PHF20: variants seen among roughly 807,000 people sequenced by gnomAD.
The protein encoded by PHF20 is glioma-expressed antigen 2.
A neutral mutation model predicts 113.5 loss-of-function variants in PHF20; 23 were observed. That is an observed-to-expected ratio of 0.20 (90% CI 0.15 to 0.29). The LOEUF is 0.29. Ranked by LOEUF, PHF20 falls within the 10% of genes least tolerant of loss-of-function variation. The pLI, the probability that PHF20 is intolerant of heterozygous loss-of-function variation, is 1.00. For synonymous variants in PHF20, 434 were observed against 457.3 expected (o/e 0.95, Z 0.65); for missense variants, 943 against 1,219.6 (o/e 0.77, Z 3.38).
chr20:35,894,607 A>G (rs1452543151), intron 9 of PHF20, among the ~76,000 whole-genome samples: 1 of 152,240 alleles, frequency 6.6e-6, no homozygotes, highest in East Asian at 1.9e-4. Flanking sequence ...GAATAGTCAT[A>G]GTAGATAATA....
chr20:35,817,383 C>T (rs2042094836), intron 2 of PHF20, among the ~76,000 whole-genome samples: 1 of 151,806 alleles, frequency 6.6e-6, no homozygotes, highest in Admixed American at 6.6e-5. Context: ...GATGGGGTTT[C>T]ACTAGGTTGG....
At chr20:35,815,961 ATTTG>A (rs2042066116) in intron 2 of PHF20, among the ~76,000 whole-genome samples, 1 of 151,998 alleles carries the variant, frequency 6.6e-6, no homozygotes, top group Non-Finnish European at 1.5e-5. Context: ...GCATTTATAT[ATTTG>A]TTTATTTTTG....
chr20:35,808,376 G>A (rs1334233146), intron 2 of PHF20, among the ~76,000 whole-genome samples: 3 of 151,958 alleles, frequency 2.0e-5, no homozygotes, highest in Non-Finnish European at 1.5e-5. Context: ...GAACGCATCC[G>A]AGAGTTCACC....
At chr20:35,911,522 A>G (rs1034261651) in intron 10 of PHF20, among the ~76,000 whole-genome samples, 1 of 152,228 alleles carries the variant, frequency 6.6e-6, no homozygotes, top group African/African-American at 2.4e-5. Context: ...CTCTTGAATG[A>G]ATATGTTGTA....
At chr20:35,836,844 CAA>C (rs36116121) in intron 2 of PHF20, among the ~76,000 whole-genome samples, 14 of 70,760 alleles carry the variant, frequency 2.0e-4, no homozygotes, top group African/African-American at 3.2e-4. Flanking sequence ...GACTCCGTCT[CAA>C]AAAAAAAAAA....
chr20:35,884,727 A>C (rs964109906), intron 9 of PHF20, among the ~76,000 whole-genome samples: 67 of 152,244 alleles, frequency 4.4e-4, no homozygotes, highest in African/African-American at 1.5e-3. Flanking sequence ...AAGTTGCAAA[A>C]ATAGCAAAAA....
chr20:35,786,845 C>T (rs528073500), intron 1 of PHF20, among the ~76,000 whole-genome samples: 1 of 152,242 alleles, frequency 6.6e-6, no homozygotes, highest in African/African-American at 2.4e-5. Flanking sequence ...TGCTTCATTC[C>T]GCATGCTTTG....
At position 35,805,767 on chromosome 20, in the gene PHF20, AC is replaced by A. The variant is rs1351856135; in HGVS notation, c.83+4164del. ...AATGCTGGGGTTACAGGCATAAGTC[AC>A]CATACCTGATCTATATAAATTTAAC... On this transcript the variant is annotated intron_variant, in intron 2 of 17. Coordinates refer to ENST00000374012, the MANE Select transcript of PHF20 (RefSeq NM_016436.5). 4.6e-5 allele frequency among the ~76,000 whole-genome samples: 7 copies of A among 152,212 alleles called. No homozygotes were observed. In the East Asian group the frequency reaches 9.6e-4, roughly 21 times the overall value.
chr20:35,939,284 C>T (rs1263311521), intron 16 of PHF20, among the ~76,000 whole-genome samples, 176 bp downstream of exon 16: 1 of 152,116 alleles, frequency 6.6e-6, no homozygotes, highest in East Asian at 1.9e-4. Context: ...CCCACTTAAG[C>T]CAAAGATCCT....
rs115007505 is a variant in PHF20, at chr20:35,921,810, C to T, written c.2004+4148C>T. Among the ~76,000 whole-genome samples, 603 of 151,990 alleles carry T rather than the reference C, an allele frequency of 4.0e-3. 1 individual carries two copies. Among genetic ancestry groups the T allele is most frequent in the African/African-American group, 0.014 (566 of 41,460 alleles). On this transcript the variant is annotated intron_variant, in intron 13 of 17. Coordinates refer to ENST00000374012, the MANE Select transcript of PHF20 (RefSeq NM_016436.5). ...TGAAGATCTTTAGTTTCTACTCTGT[C>T]ATCCTTGAGCATATGCTCAGTTCCA... is the stretch of plus-strand genomic sequence containing the variant.
At chr20:35,794,300 CAAAA>C (rs369191805) in intron 1 of PHF20, among the ~76,000 whole-genome samples, 2 of 96,106 alleles carry the variant, frequency 2.1e-5, no homozygotes. Context: ...AACTCTGTCT[CAAAA>C]AAAAAAAAAA....
chr20:35,800,129 T>C (rs1359431090), intron 1 of PHF20: 3 of 152,048 alleles, frequency 2.0e-5, no homozygotes, highest in African/African-American at 7.2e-5. Flanking sequence ...AAAGGAGAGA[T>C]TCAAATTGTG....
intron 1 of PHF20, among the ~76,000 whole-genome samples, chr20:35,787,881 G>A (rs961051949): frequency 2.7e-4 from 13 of 48,686 alleles, no homozygotes; most frequent in African/African-American, 6.2e-4. Context: ...GGGTTCAAGT[G>A]ATTCTCCTGC....
intron 1 of PHF20, among the ~76,000 whole-genome samples, chr20:35,781,511 A>G (rs1388958002): frequency 3.9e-5 from 6 of 152,030 alleles, no homozygotes; most frequent in East Asian, 1.9e-4. Flanking sequence ...TTCTTCTTCA[A>G]TTTTTGTTGT....
chr20:35,943,298 C>T (rs962279378), intron 17 of PHF20, among the ~76,000 whole-genome samples: 2 of 151,822 alleles, frequency 1.3e-5, no homozygotes, highest in Admixed American at 1.3e-4. Context: ...GAGATCATAT[C>T]ACTGCACTCC....
At chr20:35,781,435 T>G (rs1432565963) in intron 1 of PHF20, among the ~76,000 whole-genome samples, 1 of 152,146 alleles carries the variant, frequency 6.6e-6, no homozygotes, top group African/African-American at 2.4e-5. Flanking sequence ...TTCTTGACCA[T>G]GCAAAACATC....
intron 13 of PHF20, among the ~76,000 whole-genome samples, chr20:35,926,399 G>A (rs1394019020): frequency 2.6e-5 from 4 of 151,536 alleles, no homozygotes; most frequent in Non-Finnish European, 5.9e-5. Flanking sequence ...CACCACGCCC[G>A]GCTAATTTTT....
At chr20:35,931,534 A>G (rs1180656950) in intron 15 of PHF20, 90 bp downstream of exon 15, 3 of 977,798 alleles carry the variant, frequency 3.1e-6, no homozygotes, top group Non-Finnish European at 4.4e-6. Context: ...CTACCAAAGC[A>G]ATCAAATCAT....
At position 35,903,048 on chromosome 20, in the gene PHF20, G is replaced by GTTTCCTTTCC. The variant is rs142226239; in HGVS notation, c.1561+3412_1561+3421dup. ...TTTTTTTTTTTTTTGAGTGATTTTC[G>GTTTCCTTTCC]TTTCCTTTCCTTTCCTTTCCTATCC... is the stretch of plus-strand genomic sequence containing the variant. On this transcript the variant is annotated intron_variant, in intron 10 of 17. Coordinates refer to ENST00000374012, the MANE Select transcript of PHF20 (RefSeq NM_016436.5). 7.7e-3 allele frequency among the ~76,000 whole-genome samples: 655 copies of GTTTCCTTTCC among 85,296 alleles called. 11 individuals carry two copies. The highest frequency in any genetic ancestry group is 0.029 in the African/African-American group (581 of 19,820). The allele number at this position is 85,296 out of a possible 152,430, so 56.0% of individuals were successfully genotyped here.
Sources: allele counts gnomAD v4.1 joint callset (sites outside exome capture counted in the v4.1 genomes callset), GRCh38; gene constraint gnomAD v4.1.1; transcripts MANE v1.5; gene names NCBI Gene and HGNC (gene_info 2026-07-23, HGNC 2026-07-21).